The following ZNF469 variants were observed in gnomAD, a reference collection of about 807,000 sequenced individuals.
ZNF469 encodes zinc finger protein 469.
Under a neutral mutation model 1.0 loss-of-function variants are expected in ZNF469, and 1 was observed. The ratio of observed to expected loss-of-function variants is 1.00; its 90% CI spans 0.35 to 4.73. The LOEUF (loss-of-function observed/expected upper bound fraction) is 4.73. Ranked by LOEUF, ZNF469 falls within the 30% of genes most tolerant of loss-of-function variation. The probability of loss-of-function intolerance (pLI) is 0.16; values close to 1 mark genes in which losing one functional copy is unlikely to be tolerated. For missense variants in ZNF469, 6,100 were observed against 5,356.3 expected (o/e 1.14, Z -4.33); for synonymous variants, 2,703 against 2,363.4 (o/e 1.14, Z -4.17).
At chr16:88,292,273 C>T in the ZNF469 span, among the ~76,000 whole-genome samples, 1 of 152,136 alleles carries the variant, frequency 6.6e-6, no homozygotes, top group East Asian at 1.9e-4. Flanking sequence ...ATGCTTGGGT[C>T]CCCAGCACCG....
chr16:88,197,189 C>A, the ZNF469 span, among the ~76,000 whole-genome samples: 1 of 152,188 alleles, frequency 6.6e-6, no homozygotes, highest in African/African-American at 2.4e-5. Context: ...GCTGTACTTG[C>A]AGGGGAAGCT....
At chr16:88,392,949 G>T (rs1165965058) in intron 1 of ZNF469, among the ~76,000 whole-genome samples, 1 of 152,230 alleles carries the variant, frequency 6.6e-6, no homozygotes, top group East Asian at 1.9e-4. Flanking sequence ...GCTGAGGGTC[G>T]TGACTGTCAC....
chr16:88,250,432 AAC>A, the ZNF469 span, among the ~76,000 whole-genome samples: 1 of 152,184 alleles, frequency 6.6e-6, no homozygotes, highest in African/African-American at 2.4e-5. Flanking sequence ...GTGAATATAA[AAC>A]AGTTTGTTTA....
chr16:88,393,310 G>A (rs1473921757), intron 1 of ZNF469, among the ~76,000 whole-genome samples: 1 of 152,252 alleles, frequency 6.6e-6, no homozygotes, highest in South Asian at 2.1e-4. Context: ...AGGGCCCGCG[G>A]CATCCGATTG....
the ZNF469 span, among the ~76,000 whole-genome samples, chr16:88,212,515 T>A: frequency 6.6e-6 from 1 of 152,234 alleles, no homozygotes; most frequent in East Asian, 1.9e-4. Flanking sequence ...TTAATCTTCA[T>A]CATTAGTGTG....
At chr16:88,221,833 G>A in the ZNF469 span, among the ~76,000 whole-genome samples, 1 of 152,134 alleles carries the variant, frequency 6.6e-6, no homozygotes, top group Non-Finnish European at 1.5e-5. Flanking sequence ...TTCTCTGCTT[G>A]TGGACACTTC....
chr16:88,154,469 C>T, the ZNF469 span, among the ~76,000 whole-genome samples: 1 of 152,124 alleles, frequency 6.6e-6, no homozygotes, highest in African/African-American at 2.4e-5. Context: ...CCCGGTCTGC[C>T]CCATTGCTTC....
chr16:88,195,364 T>C, the ZNF469 span: 152,360 of 152,376 alleles, frequency 1, 76,172 homozygotes, highest in Non-Finnish European at 1. Context: ...CTGCTAATTA[T>C]AGCTGTGTTC....
chr16:88,248,307 G>A, the ZNF469 span, among the ~76,000 whole-genome samples: 123 of 152,334 alleles, frequency 8.1e-4, no homozygotes, highest in East Asian at 0.017. Flanking sequence ...AGGACCAAGC[G>A]TGAAAAAGGC....
rs189476639 is a variant in ZNF469, at chr16:88,429,085, A to T, written c.1615A>T (p.Ser539Cys). 3.2e-3 allele frequency: 4,917 copies of T among 1,549,936 alleles called. 13 individuals carry two copies. The highest frequency in any genetic ancestry group is 4.6e-3 in the Admixed American group (233 of 50,998). The change falls in exon 3 of 3, where the codon AGC becomes TGC. Residue 539 changes from serine to cysteine, a missense_variant. By Grantham distance (112) the Ser-to-Cys change is moderately radical. Coordinates refer to ENST00000565624, the MANE Select transcript of ZNF469 (RefSeq NM_001367624.2). ...GPREKLPAVRSSQGGSPALFT... is the reference protein window; with the variant it reads ...GPREKLPAVRCSQGGSPALFT... ...CAGAGAGAAGCTGCCAGCCGTGAGA[A>T]GCAGCCAGGGCGGCTCCCCAGCACT...
chr16:88,187,435 C>G, the ZNF469 span, among the ~76,000 whole-genome samples: 1 of 152,196 alleles, frequency 6.6e-6, no homozygotes, highest in African/African-American at 2.4e-5. Flanking sequence ...CGGAATGGCT[C>G]CTAAACGCAA....
At chr16:88,319,607 C>A in the ZNF469 span, among the ~76,000 whole-genome samples, 1 of 152,152 alleles carries the variant, frequency 6.6e-6, no homozygotes, top group Non-Finnish European at 1.5e-5. Context: ...CCTCAGGTAG[C>A]CCCCTTGGCT....
the ZNF469 span, among the ~76,000 whole-genome samples, chr16:88,130,990 C>T: frequency 1.3e-5 from 2 of 152,174 alleles, no homozygotes; most frequent in African/African-American, 2.4e-5. Flanking sequence ...GTGCGAGGGG[C>T]GTGTGCTTCT....
chr16:88,251,538 C>CTTTTTTTTTTTT, the ZNF469 span, among the ~76,000 whole-genome samples: 73 of 51,284 alleles, frequency 1.4e-3, 17 homozygotes, highest in Admixed American at 2.4e-3. Flanking sequence ...TCCCTGCTGT[C>CTTTTTTTTTTTT]TTTTTTTTTT....
chr16:88,256,582 A>G, the ZNF469 span, among the ~76,000 whole-genome samples: 1 of 152,224 alleles, frequency 6.6e-6, no homozygotes, highest in African/African-American at 2.4e-5. Context: ...GAGTGTAATT[A>G]CTGGGTGGTA....
the ZNF469 span, among the ~76,000 whole-genome samples, chr16:88,207,730 A>G: frequency 3.4e-5 from 5 of 145,138 alleles, 1 homozygote; most frequent in African/African-American, 1.2e-4. Context: ...TTGTGGCCGC[A>G]TCGCTCCCGT....
At chr16:88,414,085 T>G (rs770364030) in intron 1 of ZNF469, among the ~76,000 whole-genome samples, 18 of 152,170 alleles carry the variant, frequency 1.2e-4, no homozygotes, top group Non-Finnish European at 1.8e-4. Flanking sequence ...GAAGGACAGC[T>G]GGAGGCTGCA....
the ZNF469 span, among the ~76,000 whole-genome samples, chr16:88,200,683 C>T: frequency 6.6e-6 from 1 of 152,244 alleles, no homozygotes; most frequent in Non-Finnish European, 1.5e-5. Context: ...CTGGTTCCCT[C>T]TGCCTGGTCT....
chr16:88,259,263 C>T, the ZNF469 span, among the ~76,000 whole-genome samples: 5 of 148,118 alleles, frequency 3.4e-5, no homozygotes, highest in African/African-American at 1.2e-4. This position sits in a 1 kb window ranked among gnomAD's most constrained non-coding sequence, Gnocchi z 4.1. Flanking sequence ...CCCGCCCCCC[C>T]GAAGCGGGCC....
Sources: gnomAD v4.1 joint callset for allele counts (sites outside exome capture counted in the v4.1 genomes callset) on GRCh38, gnomAD v4.1.1 for gene constraint, Gnocchi (gnomAD v3.1) non-coding constraint, MANE v1.5 for transcripts, NCBI Gene and HGNC (gene_info 2026-07-23, HGNC 2026-07-21) for gene names.